CTNNBL1: variants seen among roughly 807,000 people sequenced by gnomAD.
CTNNBL1 encodes catenin beta like 1.
Under a neutral mutation model 72.7 loss-of-function variants are expected in CTNNBL1, and 31 were observed. That is an observed-to-expected ratio of 0.43 (90% CI 0.32 to 0.58). CTNNBL1 has a LOEUF of 0.58. Ranked by LOEUF, CTNNBL1 falls within the 20% of genes least tolerant of loss-of-function variation. The probability of loss-of-function intolerance (pLI) is 0.08; values close to 1 mark genes in which losing one functional copy is unlikely to be tolerated. For synonymous variants in CTNNBL1, 240 were observed against 267.3 expected (o/e 0.90, Z 1.00); for missense variants, 534 against 725.1 (o/e 0.74, Z 3.03).
chr20:37,798,790 G>A (rs1052697403), intron 10 of CTNNBL1, among the ~76,000 whole-genome samples: 4 of 152,160 alleles, frequency 2.6e-5, no homozygotes, highest in South Asian at 2.1e-4. Flanking sequence ...TGGTTTGAGC[G>A]TATGCTGAAT....
At chr20:37,824,855 C>T (rs1349380438) in intron 11 of CTNNBL1, among the ~76,000 whole-genome samples, 1 of 152,184 alleles carries the variant, frequency 6.6e-6, no homozygotes, top group Non-Finnish European at 1.5e-5. Context: ...GTCTATATTC[C>T]AAACAGCAGG....
chr20:37,748,550 G>A (rs1007697815), intron 4 of CTNNBL1, among the ~76,000 whole-genome samples: 1 of 152,212 alleles, frequency 6.6e-6, no homozygotes, highest in Non-Finnish European at 1.5e-5. Flanking sequence ...AGCAGCATCA[G>A]TCAGTAAGTA....
chr20:37,794,031 G>A (rs150084160), intron 10 of CTNNBL1, among the ~76,000 whole-genome samples: 163 of 152,166 alleles, frequency 1.1e-3, no homozygotes, highest in African/African-American at 3.7e-3. Flanking sequence ...CACCTGCCTT[G>A]GCCTCCCAAA....
At chr20:37,758,588 G>A (rs1219545140) in intron 5 of CTNNBL1, among the ~76,000 whole-genome samples, 2 of 152,216 alleles carry the variant, frequency 1.3e-5, no homozygotes, top group African/African-American at 4.8e-5. Context: ...AAGCTGCAAA[G>A]GCACCCCAGC....
intron 1 of CTNNBL1, chr20:37,727,304 G>A (rs1439377555): frequency 8.2e-6 from 8 of 980,952 alleles, no homozygotes; most frequent in African/African-American, 1.8e-5. Flanking sequence ...GTTTTCAGGG[G>A]CATGGATGGA....
intron 4 of CTNNBL1, among the ~76,000 whole-genome samples, chr20:37,752,513 A>G (rs570234126): frequency 6.6e-6 from 1 of 151,256 alleles, no homozygotes; most frequent in African/African-American, 2.4e-5. Context: ...AGCCTTTTTG[A>G]AATGACTTTT....
chr20:37,848,724 T>C (rs1245685374), intron 13 of CTNNBL1, among the ~76,000 whole-genome samples: 1 of 152,152 alleles, frequency 6.6e-6, no homozygotes, highest in Non-Finnish European at 1.5e-5. Flanking sequence ...CCACTTACCT[T>C]GCAGTATGAC....
intron 10 of CTNNBL1, among the ~76,000 whole-genome samples, chr20:37,780,928 T>C (rs2073620086): frequency 6.6e-6 from 1 of 152,148 alleles, no homozygotes; most frequent in Non-Finnish European, 1.5e-5. Context: ...ACTGTGTATA[T>C]TTCTAAAATA....
At chr20:37,743,683 A>T (rs1464125329) in intron 3 of CTNNBL1, among the ~76,000 whole-genome samples, 1 of 152,244 alleles carries the variant, frequency 6.6e-6, no homozygotes, top group Non-Finnish European at 1.5e-5. Context: ...TAAAGTACAC[A>T]TTAAAATTTA....
At chr20:37,732,646 G>A (rs2073139059) in intron 1 of CTNNBL1, among the ~76,000 whole-genome samples, 1 of 152,196 alleles carries the variant, frequency 6.6e-6, no homozygotes, top group East Asian at 1.9e-4. Context: ...TTTTGAGTCA[G>A]AGAATTCTTG....
intron 13 of CTNNBL1, among the ~76,000 whole-genome samples, chr20:37,846,377 T>G (rs919079454): frequency 6.6e-6 from 1 of 151,764 alleles, no homozygotes; most frequent in Non-Finnish European, 1.5e-5. Context: ...TAGCCAGGCT[T>G]TATCCTGGTT....
intron 1 of CTNNBL1, among the ~76,000 whole-genome samples, chr20:37,722,455 C>CA (rs2073048599): frequency 6.6e-6 from 1 of 150,936 alleles, no homozygotes; most frequent in African/African-American, 2.4e-5. Context: ...TCCAGGAAGA[C>CA]AGAGTGAGGC....
chr20:37,757,695 A>G, intron 5 of CTNNBL1, 39 bp downstream of exon 5: 1 of 1,526,470 alleles, frequency 6.6e-7, no homozygotes, highest in East Asian at 2.3e-5. Context: ...AGGTTTGTAT[A>G]AGTTGTTGGC....
In CTNNBL1 at chr20:37,703,669, C is replaced by G. The variant is rs79297781; in HGVS notation, c.30+9517C>G. Among the ~76,000 whole-genome samples the G allele has an allele frequency of 7.6e-3, 1,164 of 152,314 alleles. 12 individuals are homozygous for G. Among genetic ancestry groups the G allele is most frequent in the African/African-American group, 0.026 (1,090 of 41,568 alleles). ...TTCTCTGCTTCCTCCCCTGCCTATCCCCATGGCCAGCTTTGCATTTCAGTC... is the reference window on the plus strand; with the variant it reads ...TTCTCTGCTTCCTCCCCTGCCTATCGCCATGGCCAGCTTTGCATTTCAGTC... On this transcript the variant is annotated intron_variant, in intron 1 of 15. Transcript: ENST00000361383.
At chr20:37,848,447 C>T (rs949335302) in intron 13 of CTNNBL1, among the ~76,000 whole-genome samples, 1 of 152,134 alleles carries the variant, frequency 6.6e-6, no homozygotes, top group Non-Finnish European at 1.5e-5. Context: ...TGAGCCACTG[C>T]GCCTAGCCTA....
chr20:37,840,497 G>A (rs1162112153), intron 12 of CTNNBL1, among the ~76,000 whole-genome samples: 1 of 152,220 alleles, frequency 6.6e-6, no homozygotes, highest in Non-Finnish European at 1.5e-5. Context: ...GCACAGCATA[G>A]CAAAGTGATT....
At chr20:37,776,278 A>T (rs2073572577) in intron 7 of CTNNBL1, among the ~76,000 whole-genome samples, 2 of 152,342 alleles carry the variant, frequency 1.3e-5, no homozygotes, top group South Asian at 4.1e-4. Context: ...TAGCTTGATG[A>T]GGAAGACGTG....
At chr20:37,743,202 G>A (rs929598511) in intron 3 of CTNNBL1, among the ~76,000 whole-genome samples, 2 of 149,942 alleles carry the variant, frequency 1.3e-5, no homozygotes, top group East Asian at 3.9e-4. Flanking sequence ...GTTCTTCCAA[G>A]TGAACTGGAA....
intron 2 of CTNNBL1, among the ~76,000 whole-genome samples, chr20:37,735,382 C>T (rs2073163156): frequency 6.6e-6 from 1 of 152,172 alleles, no homozygotes. Flanking sequence ...CAGATCCTGC[C>T]AGATCCTTAC....
Sources: allele counts gnomAD v4.1 joint callset (sites outside exome capture counted in the v4.1 genomes callset), GRCh38; gene constraint gnomAD v4.1.1; transcripts MANE v1.5; gene names NCBI Gene and HGNC (gene_info 2026-07-23, HGNC 2026-07-21).